HDAC4: variants seen among roughly 807,000 people sequenced by gnomAD.
HDAC4 encodes the protein histone deacetylase 4.
Under a neutral mutation model 135.1 loss-of-function variants are expected in HDAC4, and 16 were observed. That is an observed-to-expected ratio of 0.12 (90% CI 0.08 to 0.18). HDAC4 has a LOEUF of 0.18. Among genes scored for constraint, HDAC4 ranks in the 10% least tolerant of loss-of-function variants. The pLI is 1.00. For synonymous variants in HDAC4, 685 were observed against 653.4 expected (o/e 1.05, Z -0.74); for missense variants, 1,143 against 1,511.8 (o/e 0.76, Z 4.05).
chr2:239,242,261 AC>A (rs1489953048), intron 2 of HDAC4, among the ~76,000 whole-genome samples: 1 of 138,168 alleles, frequency 7.2e-6, no homozygotes, highest in African/African-American at 2.8e-5. Context: ...AGGGAGGGAA[AC>A]GAACAGTGCC....
intron 21 of HDAC4, 135 bp from the exon 22 acceptor site, chr2:239,081,327 C>T: frequency 1.4e-6 from 1 of 733,662 alleles, no homozygotes; most frequent in Non-Finnish European, 2.4e-6. Flanking sequence ...GTCCTGATCT[C>T]CTGGTGCATA....
intron 9 of HDAC4, among the ~76,000 whole-genome samples, chr2:239,135,877 T>C (rs1015338643): frequency 6.6e-6 from 1 of 152,234 alleles, no homozygotes; most frequent in Non-Finnish European, 1.5e-5. Flanking sequence ...AAACAGGTTA[T>C]AGATCATGTA....
intron 16 of HDAC4, among the ~76,000 whole-genome samples, chr2:239,101,243 C>T (rs972805036): frequency 5.9e-5 from 9 of 152,314 alleles, no homozygotes; most frequent in Admixed American, 3.9e-4. Flanking sequence ...CCGGAAGCAG[C>T]GTGACCGCCA....
chr2:239,054,906 C>A, intron 24 of HDAC4, 73 bp from the exon 25 acceptor site: 2 of 1,004,300 alleles, frequency 2.0e-6, no homozygotes, highest in Non-Finnish European at 3.2e-6. Context: ...TGTTCCGAGA[C>A]TGCAACTGTT....
Position 239,052,078 on chromosome 2 carries a change from G to C in HDAC4, c.*1019C>G, listed in dbSNP as rs2030936998. Reference sequence around the variant, plus strand: ...ACCACATGCTTCACGACCAGATGGAGATGCTCAATCGTATGTGACGTGTGA... The same window carrying C: ...ACCACATGCTTCACGACCAGATGGACATGCTCAATCGTATGTGACGTGTGA... On this transcript the variant is annotated 3_prime_UTR_variant, in exon 27 of 27. Transcript: ENST00000543185. 6.6e-6 allele frequency: 1 copy of C among 152,608 alleles called. No individual in the cohort carries two copies. Among genetic ancestry groups the C allele is most frequent in the South Asian group, 2.1e-4 (1 of 4,832 alleles). The allele number at this position is 152,608 out of a possible 1,614,324, so 9.5% of individuals were successfully genotyped here.
chr2:239,094,677 C>T, intron 17 of HDAC4: 2 of 1,207,502 alleles, frequency 1.7e-6, no homozygotes, highest in Non-Finnish European at 2.1e-6. Context: ...CCGCACCATA[C>T]TCGTGGCCTG....
chr2:239,283,534 C>T (rs941289346), intron 2 of HDAC4, among the ~76,000 whole-genome samples: 8 of 152,248 alleles, frequency 5.3e-5, no homozygotes, highest in African/African-American at 1.4e-4. Flanking sequence ...CACACCTGGG[C>T]GTTTCCACCA....
Position 239,349,098 on chromosome 2 carries a change from C to T in HDAC4, c.22+3580G>A, listed in dbSNP as rs535505203. Reference sequence around the variant, plus strand: ...GCCCGGCCTGCCCAGGGAGTGAGGGCGGCACGGGCACCCACACCAGGCCAC... The same window carrying T: ...GCCCGGCCTGCCCAGGGAGTGAGGGTGGCACGGGCACCCACACCAGGCCAC... On this transcript the variant is annotated intron_variant, in intron 2 of 26. Transcript: ENST00000543185. The surrounding 1 kb of genome is among the most constrained non-coding windows in gnomAD (Gnocchi z 5.7). Among the ~76,000 whole-genome samples the T allele has an allele frequency of 9.8e-5, 15 of 152,298 alleles. No individual in the cohort carries two copies. The highest frequency in any genetic ancestry group is 3.4e-4 in the African/African-American group (14 of 41,570).
At chr2:239,061,654 G>A (rs4852013) in intron 24 of HDAC4, among the ~76,000 whole-genome samples, 24,103 of 152,190 alleles carry the variant, frequency 0.16, 2,543 homozygotes, top group Admixed American at 0.34. Flanking sequence ...CTGGAAGCAG[G>A]CAGCCAGCTC....
intron 1 of HDAC4, among the ~76,000 whole-genome samples, chr2:239,363,486 TA>T (rs1172149405): frequency 5.3e-5 from 8 of 152,206 alleles, no homozygotes; most frequent in African/African-American, 1.9e-4. Flanking sequence ...CCCAAATCCA[TA>T]GGGAAAACAG....
At position 239,328,783 on chromosome 2, in the gene HDAC4, C is replaced by G. The variant is rs183771964; in HGVS notation, c.22+23895G>C. On this transcript the variant is annotated intron_variant, in intron 2 of 26. Transcript: ENST00000543185. ...GCCCGCTGGCCCTCTTTATCTCCAG[C>G]AGCCCAGCCCGGAGCTCAGAGGGCA... 1.7e-3 allele frequency among the ~76,000 whole-genome samples: 265 copies of G among 152,330 alleles called. 1 individual carries two copies. The highest frequency in any genetic ancestry group is 6.0e-3 in the African/African-American group (250 of 41,566).
At chr2:239,145,311 C>A (rs1025633866) in intron 7 of HDAC4, among the ~76,000 whole-genome samples, 3 of 152,124 alleles carry the variant, frequency 2.0e-5, no homozygotes, top group Non-Finnish European at 4.4e-5. Context: ...GGAGGCTCAG[C>A]AGAGCCCATC....
At position 239,311,315 on chromosome 2, in the gene HDAC4, G is replaced by T. The variant is rs187097342; in HGVS notation, c.22+41363C>A. On this transcript the variant is annotated intron_variant, in intron 2 of 26. Transcript: ENST00000543185. The stretch of plus-strand genomic sequence containing the variant: ...GTCTTGCATGGCACTGAGATGTGTG[G>T]CACAAGCAGGCACCAAGCCCGGAGA... Among the ~76,000 whole-genome samples, 3 of 152,252 alleles carry T rather than the reference G, an allele frequency of 2.0e-5. No individual in the cohort carries two copies. The East Asian group carries it at 5.8e-4, about 30-fold the overall frequency.
rs1044430649 is a variant in HDAC4, at chr2:239,352,804, G to A, written c.-105C>T. The A allele has an allele frequency of 1.8e-5, 20 of 1,113,226 alleles. No individual in the cohort carries two copies. Among genetic ancestry groups the A allele is most frequent in the African/African-American group, 3.1e-5 (2 of 64,530 alleles). The allele number at this position is 1,113,226 out of a possible 1,614,324, so 69.0% of individuals were successfully genotyped here. A position where few individuals can be genotyped will look rare whatever the true frequency, so the allele number is the denominator to read the frequency against. ...ACTCCCACCAACACATACAAGTACCGGGACGGTGAGGGCTGGGTCACAGAC... is the reference window on the plus strand; with the variant it reads ...ACTCCCACCAACACATACAAGTACCAGGACGGTGAGGGCTGGGTCACAGAC... On this transcript the variant is annotated 5_prime_UTR_variant, in exon 2 of 27. Transcript: ENST00000543185. This position sits in a 1 kb window ranked among gnomAD's most constrained non-coding sequence, Gnocchi z 4.4.
intron 17 of HDAC4, among the ~76,000 whole-genome samples, chr2:239,090,418 G>C (rs532647858): frequency 1.4e-5 from 2 of 148,096 alleles, no homozygotes; most frequent in Admixed American, 1.4e-4. Context: ...ATGATGTCAA[G>C]GTGATCTATT....
intron 2 of HDAC4, among the ~76,000 whole-genome samples, chr2:239,297,958 C>T (rs886247089): frequency 1.2e-4 from 19 of 152,230 alleles, no homozygotes; most frequent in East Asian, 3.9e-4. Flanking sequence ...TTCCCGGTGC[C>T]GCGGCTGCTA....
At position 239,146,077 on chromosome 2, in the gene HDAC4, G is replaced by A. The variant is rs1459993778; in HGVS notation, c.734-1363C>T. Among the ~76,000 whole-genome samples the A allele has an allele frequency of 6.6e-6, 1 of 152,190 alleles. No homozygotes were observed. The highest frequency in any genetic ancestry group is 6.5e-5 in the Admixed American group (1 of 15,288). ...CTGTGGCACGGGGGACCTGGATGAC[G>A]ACAGATGACGGATTCAGCCACAAGC... On this transcript the variant is annotated intron_variant, in intron 7 of 26. Coordinates refer to ENST00000543185, the MANE Select transcript of HDAC4 (RefSeq NM_001378414.1). The surrounding 1 kb of genome is among the most constrained non-coding windows in gnomAD (Gnocchi z 4.5).
At chr2:239,401,538 T>C, upstream of HDAC4, 1 of 203,656 alleles carries the variant, frequency 4.9e-6, no homozygotes. Flanking sequence ...TGCCTAGCGG[T>C]CAGCACCGCA....
At position 239,238,490 on chromosome 2, in the gene HDAC4, G is replaced by A. The variant is rs143752832; in HGVS notation, c.23-1826C>T. On this transcript the variant is annotated intron_variant, in intron 2 of 26. Transcript: ENST00000543185. ...CAACAGTTCCTACGAGCCAATGCCT[G>A]TCCCCCAGAACTGCCTCCCCTGTAG... Among the ~76,000 whole-genome samples the A allele has an allele frequency of 9.3e-3, 1,418 of 152,248 alleles. 21 individuals carry two copies. Among genetic ancestry groups the A allele is most frequent in the African/African-American group, 0.033 (1,360 of 41,536 alleles).
Sources: gnomAD v4.1 joint callset for allele counts (sites outside exome capture counted in the v4.1 genomes callset) on GRCh38, gnomAD v4.1.1 for gene constraint, Gnocchi (gnomAD v3.1) non-coding constraint, MANE v1.5 for transcripts, NCBI Gene and HGNC (gene_info 2026-07-23, HGNC 2026-07-21) for gene names.